Variants in TSPAN13 observed in about 807,000 individuals in gnomAD.
The protein encoded by TSPAN13 is tetraspanin-13.
Under a neutral mutation model 26.9 loss-of-function variants are expected in TSPAN13, and 18 were observed. That is an observed-to-expected ratio of 0.67 (90% CI 0.46 to 0.99). TSPAN13 has a LOEUF of 0.99. Among genes scored for constraint, TSPAN13 ranks in the 50% least tolerant of loss-of-function variants. TSPAN13 has a pLI of 0.00. For missense variants in TSPAN13, 201 were observed against 249.6 expected (o/e 0.81, Z 1.31); for synonymous variants, 116 against 98.4 (o/e 1.18, Z -1.06).
intron 3 of TSPAN13, among the ~76,000 whole-genome samples, chr7:16,777,512 T>TG (rs1784767521): frequency 1.3e-5 from 2 of 152,216 alleles, no homozygotes; most frequent in Admixed American, 6.5e-5. Flanking sequence ...GCAACAGAAC[T>TG]TTTGCCTTGT....
At chr7:16,755,224 G>A (rs1784469410) in intron 1 of TSPAN13, among the ~76,000 whole-genome samples, 1 of 152,226 alleles carries the variant, frequency 6.6e-6, no homozygotes, top group Admixed American at 6.5e-5. Flanking sequence ...CCTTGGAATA[G>A]AGAGGCTGCC....
At chr7:16,763,480 C>T (rs763168505) in intron 1 of TSPAN13, among the ~76,000 whole-genome samples, 18 of 152,262 alleles carry the variant, frequency 1.2e-4, no homozygotes, top group South Asian at 1.0e-3. Context: ...GGCTCGAAGT[C>T]GCTCGCCCCT....
intron 3 of TSPAN13, 89 bp downstream of exon 3, chr7:16,777,211 T>C: frequency 2.0e-6 from 2 of 995,018 alleles, no homozygotes; most frequent in Non-Finnish European, 3.1e-6. Flanking sequence ...ATAAAATAAT[T>C]TCGTCTTGCA....
At chr7:16,757,351 GAAA>G (rs1291114604) in intron 1 of TSPAN13, among the ~76,000 whole-genome samples, 1 of 152,032 alleles carries the variant, frequency 6.6e-6, no homozygotes, top group Non-Finnish European at 1.5e-5. Flanking sequence ...GACAAGTAGT[GAAA>G]AAAACTTTTG....
At chr7:16,783,149 G>T in intron 5 of TSPAN13, among the ~76,000 whole-genome samples, 1 of 152,206 alleles carries the variant, frequency 6.6e-6, no homozygotes, top group Non-Finnish European at 1.5e-5. Flanking sequence ...CTGTTACTGT[G>T]TAAGGTAACA....
intron 1 of TSPAN13, among the ~76,000 whole-genome samples, chr7:16,758,205 G>A (rs1784504289): frequency 6.6e-6 from 1 of 152,020 alleles, no homozygotes; most frequent in South Asian, 2.1e-4. Context: ...AAAAAAATAC[G>A]ACCATACAAT....
chr7:16,757,244 T>G (rs1282296034), intron 1 of TSPAN13, among the ~76,000 whole-genome samples: 1 of 152,200 alleles, frequency 6.6e-6, no homozygotes, highest in Non-Finnish European at 1.5e-5. Flanking sequence ...TGTGGGTCTT[T>G]TTGATACCAT....
chr7:16,757,558 C>T (rs1297180590), intron 1 of TSPAN13, among the ~76,000 whole-genome samples: 2 of 152,008 alleles, frequency 1.3e-5, no homozygotes, highest in African/African-American at 4.8e-5. Context: ...AAAAATATGA[C>T]CAAACATATA....
At chr7:16,781,769 C>A (rs190233346) in intron 5 of TSPAN13, among the ~76,000 whole-genome samples, 11 of 152,230 alleles carry the variant, frequency 7.2e-5, no homozygotes, top group Admixed American at 5.9e-4. Flanking sequence ...GCTCCCTGTG[C>A]TGAAAATTTC....
intron 1 of TSPAN13, among the ~76,000 whole-genome samples, chr7:16,765,266 A>G (rs1022359841): frequency 4.0e-5 from 6 of 151,256 alleles, no homozygotes; most frequent in Non-Finnish European, 8.8e-5. Context: ...CACCTGGCTA[A>G]TTTTTTTTAT....
intron 1 of TSPAN13, among the ~76,000 whole-genome samples, chr7:16,765,453 C>T (rs1784595180): frequency 6.6e-6 from 1 of 152,160 alleles, no homozygotes. Context: ...TGTTTATTCC[C>T]CCTTCAGTAG....
intron 1 of TSPAN13, among the ~76,000 whole-genome samples, chr7:16,760,959 A>C (rs2115322836): frequency 6.6e-6 from 1 of 152,262 alleles, no homozygotes; most frequent in African/African-American, 2.4e-5. Context: ...GCATTTAGTT[A>C]ATTGAATGCA....
chr7:16,784,523 A>G lies in TSPAN13; in HGVS notation c.*1032A>G, dbSNP rs536281162. ...TTGAATTAAAAGAAAGTAATGGAAG[A>G]ATTGATCGATGAATTAAGTGAGGTG... On this transcript the variant is annotated 3_prime_UTR_variant, in exon 6 of 6. Coordinates refer to ENST00000262067, the MANE Select transcript of TSPAN13 (RefSeq NM_014399.4). 11 of 152,256 alleles carry G rather than the reference A, an allele frequency of 7.2e-5. No individual in the cohort carries two copies. The highest frequency in any genetic ancestry group is 2.6e-4 in the African/African-American group (11 of 41,562). The allele number at this position is 152,256 out of a possible 1,614,324, so 9.4% of individuals were successfully genotyped here.
intron 3 of TSPAN13, among the ~76,000 whole-genome samples, 189 bp from the exon 4 acceptor site, chr7:16,777,609 T>C (rs1404696303): frequency 5.3e-5 from 8 of 151,944 alleles, no homozygotes; most frequent in Non-Finnish European, 1.0e-4. Context: ...AAATTAGGAG[T>C]TTTTCAATCT....
intron 1 of TSPAN13, among the ~76,000 whole-genome samples, chr7:16,755,650 T>G (rs1715195574): frequency 6.6e-6 from 1 of 152,014 alleles, no homozygotes; most frequent in Admixed American, 6.6e-5. Context: ...AGTCATCTGT[T>G]TGCCAGACAC....
chr7:16,768,900 A>G (rs1784642175), intron 1 of TSPAN13, among the ~76,000 whole-genome samples: 1 of 152,092 alleles, frequency 6.6e-6, no homozygotes, highest in Non-Finnish European at 1.5e-5. Context: ...TTTTTGAGAC[A>G]GAGTCTTGCT....
At chr7:16,770,610 T>C (rs181845797) in intron 1 of TSPAN13, among the ~76,000 whole-genome samples, 1 of 152,372 alleles carries the variant, frequency 6.6e-6, no homozygotes. Context: ...TCTTTTGTTA[T>C]ATTTGTCATA....
chr7:16,761,536 A>T (rs1149518), intron 1 of TSPAN13, among the ~76,000 whole-genome samples: 2,226 of 151,782 alleles, frequency 0.015, 63 homozygotes, highest in African/African-American at 0.052. Flanking sequence ...TCTTTTTTTT[A>T]GGGGCAGGGT....
At chr7:16,760,301 G>T (rs200697815) in intron 1 of TSPAN13, among the ~76,000 whole-genome samples, 1 of 152,096 alleles carries the variant, frequency 6.6e-6, no homozygotes. Context: ...TGAGATGATG[G>T]AGGCTTGGAT....
Sources: allele counts gnomAD v4.1 joint callset (sites outside exome capture counted in the v4.1 genomes callset), GRCh38; gene constraint gnomAD v4.1.1; transcripts MANE v1.5; gene names NCBI Gene and HGNC (gene_info 2026-07-23, HGNC 2026-07-21).